CACNB4: variants seen among roughly 807,000 people sequenced by gnomAD.
CACNB4 encodes the protein calcium voltage-gated channel auxiliary subunit beta 4.
CACNB4 carries 32 observed loss-of-function variants against 71.2 expected under a neutral mutation model. The ratio of observed to expected loss-of-function variants is 0.45; its 90% CI spans 0.34 to 0.60. CACNB4 has a LOEUF of 0.60. Among genes scored for constraint, CACNB4 ranks in the 20% least tolerant of loss-of-function variants. The pLI, the probability that CACNB4 is intolerant of heterozygous loss-of-function variation, is 0.01. For synonymous variants in CACNB4, 231 were observed against 236.9 expected (o/e 0.97, Z 0.23); for missense variants, 464 against 647.9 (o/e 0.72, Z 3.08).
At chr2:152,013,519 C>T (rs1683175143) in intron 2 of CACNB4, among the ~76,000 whole-genome samples, 1 of 152,074 alleles carries the variant, frequency 6.6e-6, no homozygotes, top group Admixed American at 6.5e-5. Flanking sequence ...GCCCATTAGC[C>T]TGTGTCCTTG....
At chr2:152,077,969 T>G (rs1011260951) in intron 2 of CACNB4, among the ~76,000 whole-genome samples, 2 of 152,146 alleles carry the variant, frequency 1.3e-5, no homozygotes, top group African/African-American at 4.8e-5. Flanking sequence ...GCGTAGAGAA[T>G]GGACCTGCTG....
intron 2 of CACNB4, among the ~76,000 whole-genome samples, chr2:151,924,529 G>T (rs112556049): frequency 0.013 from 1,951 of 151,064 alleles, 48 homozygotes; most frequent in African/African-American, 0.045. Context: ...CTACAGGTGT[G>T]TGCCATCATG....
intron 2 of CACNB4, among the ~76,000 whole-genome samples, chr2:151,919,899 T>G (rs1403115785): frequency 2.4e-4 from 36 of 148,918 alleles, no homozygotes; most frequent in Non-Finnish European, 2.9e-5. Flanking sequence ...ACACAAAAAC[T>G]AGAATATATC....
intron 2 of CACNB4, among the ~76,000 whole-genome samples, chr2:151,940,119 C>CA (rs1256969044): frequency 7.2e-5 from 11 of 152,244 alleles, no homozygotes; most frequent in African/African-American, 2.2e-4. Flanking sequence ...TGTGCACAAG[C>CA]AAAAAGCAGA....
In CACNB4 at chr2:151,835,180, C is replaced by T. The variant is rs891624812; in HGVS notation, c.*3939G>A. 2 of 151,890 alleles carry T rather than the reference C, an allele frequency of 1.3e-5. No individual in the cohort carries two copies. The highest frequency in any genetic ancestry group is 3.0e-5 in the Non-Finnish European group (2 of 67,794). 9.4% of individuals were successfully genotyped at this position (151,890 alleles called of 1,614,324 possible). A position where few individuals can be genotyped will look rare whatever the true frequency, so the allele number is the denominator to read the frequency against. On this transcript the variant is annotated 3_prime_UTR_variant, in exon 14 of 14. Transcript: ENST00000539935. ...GAACTAGATATTATAACAAGTTGCA[C>T]ACAAAGGCAATTCCCTTGCAGTTTG... is the stretch of plus-strand genomic sequence containing the variant.
intron 2 of CACNB4, among the ~76,000 whole-genome samples, chr2:151,999,347 ACC>A (rs1223570914): frequency 6.8e-6 from 1 of 147,504 alleles, no homozygotes; most frequent in East Asian, 2.0e-4. Context: ...AGTTGATGGT[ACC>A]TTATTCTGTC....
intron 5 of CACNB4, among the ~76,000 whole-genome samples, chr2:151,875,572 G>A (rs1236958563): frequency 3.4e-5 from 5 of 148,670 alleles, no homozygotes; most frequent in African/African-American, 1.0e-4. Flanking sequence ...AGGGGCGGCC[G>A]GGCAGAGGCG....
chr2:152,038,622 A>G (rs1331182893), intron 2 of CACNB4, among the ~76,000 whole-genome samples: 3 of 152,228 alleles, frequency 2.0e-5, no homozygotes, highest in Non-Finnish European at 4.4e-5. Context: ...CATTAACAGC[A>G]GAGGCTGAGA....
chr2:151,932,403 C>A (rs2151606070), intron 2 of CACNB4, among the ~76,000 whole-genome samples: 1 of 152,172 alleles, frequency 6.6e-6, no homozygotes, highest in South Asian at 2.1e-4. Context: ...ATATACCCCA[C>A]AAGAGGGAAG....
At chr2:152,068,498 C>T (rs191201549) in intron 2 of CACNB4, among the ~76,000 whole-genome samples, 3 of 152,222 alleles carry the variant, frequency 2.0e-5, no homozygotes, top group Non-Finnish European at 2.9e-5. Flanking sequence ...GGAAGATCAT[C>T]GGGAGTGGTT....
intron 2 of CACNB4, among the ~76,000 whole-genome samples, chr2:151,982,362 A>G (rs752214094): frequency 5.3e-5 from 8 of 152,180 alleles, no homozygotes; most frequent in South Asian, 2.1e-4. Flanking sequence ...AGCCGGGCAC[A>G]GTGGCTCACA....
At chr2:152,020,581 G>A (rs1248049969) in intron 2 of CACNB4, among the ~76,000 whole-genome samples, 1 of 152,250 alleles carries the variant, frequency 6.6e-6, no homozygotes, top group African/African-American at 2.4e-5. Context: ...TGGGGAGTTA[G>A]TAGGTTTTTG....
Position 151,916,212 on chromosome 2 carries a change from T to G in CACNB4, c.148-32842A>C, listed in dbSNP as rs566492812. Among the ~76,000 whole-genome samples the G allele has an allele frequency of 7.9e-5, 12 of 152,326 alleles. No individual in the cohort carries two copies. In the East Asian group the frequency reaches 2.3e-3, roughly 29 times the overall value. ...GCCATCTTGGCCCCACCCCTATTCC[T>G]GGATCCTTTCTTAAGGTTTTTCAGG... On this transcript the variant is annotated intron_variant, in intron 2 of 13. Transcript: ENST00000539935.
rs2099835520 is a variant in CACNB4, at chr2:151,839,096, G to T, written c.*23C>A. The T allele has an allele frequency of 1.3e-6, 2 of 1,596,464 alleles. No individual in the cohort carries two copies. Among genetic ancestry groups the T allele is most frequent in the African/African-American group, 1.3e-5 (1 of 74,436 alleles). ...CTGCTATGGCAAATTGTCAACAGAT[G>T]AATATTTTTTGTTTCATTAGACTCA... On this transcript the variant is annotated 3_prime_UTR_variant, in exon 14 of 14. Transcript: ENST00000539935.
chr2:151,872,470 G>A lies in CACNB4; in HGVS notation c.545C>T (p.Ser182Leu), dbSNP rs766262659. The A allele has an allele frequency of 4.4e-6, 7 of 1,600,060 alleles. No homozygotes were observed. Among genetic ancestry groups the A allele is most frequent in the Non-Finnish European group, 4.3e-6 (5 of 1,168,968 alleles). ...HGGKSSGNSS[S>L]SLGEMVSGTF... ...CCCAGATACCATTTCTCCAAGACTT[G>A]AAGAAGAATTTCCACTTGATTTCCT... The change falls in exon 6 of 14, where the codon TCA becomes TTA. Residue 182 changes from serine to leucine, a missense_variant. By Grantham distance (145) the Ser-to-Leu change is moderately radical. Transcript: ENST00000539935.
intron 2 of CACNB4, among the ~76,000 whole-genome samples, chr2:152,092,527 GAT>G (rs1014804944): frequency 2.6e-4 from 40 of 152,216 alleles, no homozygotes; most frequent in African/African-American, 9.1e-4. Flanking sequence ...TTCCAAGGTA[GAT>G]GGTTCCAACA....
At chr2:152,083,078 A>C (rs1687448310) in intron 2 of CACNB4, among the ~76,000 whole-genome samples, 1 of 152,162 alleles carries the variant, frequency 6.6e-6, no homozygotes. Context: ...TGCCCTCCCC[A>C]ATCTCAGCCA....
At chr2:152,095,145 A>G (rs2105485552) in intron 2 of CACNB4, among the ~76,000 whole-genome samples, 1 of 152,238 alleles carries the variant, frequency 6.6e-6, no homozygotes, top group African/African-American at 2.4e-5. Context: ...CAAAACCTCC[A>G]TCCCTCCTAA....
chr2:151,935,725 C>A (rs7584868), intron 2 of CACNB4, among the ~76,000 whole-genome samples: 69,648 of 152,086 alleles, frequency 0.46, 19,783 homozygotes, highest in Non-Finnish European at 0.64. Flanking sequence ...TCAAAACATG[C>A]AATGTCAATA....
Sources: allele counts gnomAD v4.1 joint callset (sites outside exome capture counted in the v4.1 genomes callset), GRCh38; gene constraint gnomAD v4.1.1; transcripts MANE v1.5; gene names NCBI Gene and HGNC (gene_info 2026-07-23, HGNC 2026-07-21).